GMDS: variants seen among roughly 807,000 people sequenced by gnomAD.
The protein encoded by GMDS is GDP-mannose 4,6 dehydratase.
A neutral mutation model predicts 49.9 loss-of-function variants in GMDS; 20 were observed. The observed-to-expected ratio is 0.40, with a 90% CI of 0.28 to 0.58. The LOEUF (loss-of-function observed/expected upper bound fraction) is 0.58, where lower values mean the gene tolerates loss of function less well. Among genes scored for constraint, GMDS ranks in the 20% least tolerant of loss-of-function variants. The pLI is 0.42. For missense variants in GMDS, 362 were observed against 481.4 expected (o/e 0.75, Z 2.32); for synonymous variants, 177 against 178.6 (o/e 0.99, Z 0.07).
intron 4 of GMDS, among the ~76,000 whole-genome samples, chr6:2,014,113 T>TC (rs11315361): frequency 0.011 from 1,354 of 118,540 alleles, 19 homozygotes; most frequent in East Asian, 0.041. Context: ...AACAAAATTA[T>TC]CCCCCCCCCC....
At chr6:1,943,575 C>T (rs943089738) in intron 6 of GMDS, among the ~76,000 whole-genome samples, 3 of 152,170 alleles carry the variant, frequency 2.0e-5, no homozygotes, top group African/African-American at 7.2e-5. Context: ...ACATGTAGGA[C>T]ATAATGAACC....
chr6:1,638,447 T>C (rs1763230130), intron 9 of GMDS, among the ~76,000 whole-genome samples: 1 of 152,104 alleles, frequency 6.6e-6, no homozygotes, highest in African/African-American at 2.4e-5. Context: ...TCCTGAACTT[T>C]ATACTTATGA....
intron 9 of GMDS, among the ~76,000 whole-genome samples, chr6:1,656,406 G>C (rs919085610): frequency 4.6e-5 from 7 of 152,158 alleles, no homozygotes; most frequent in African/African-American, 1.7e-4. Context: ...CATAAATGGT[G>C]AATCAGTATA....
intron 9 of GMDS, among the ~76,000 whole-genome samples, chr6:1,704,849 G>T (rs550237160): frequency 8.7e-4 from 133 of 152,060 alleles, no homozygotes; most frequent in African/African-American, 3.1e-3. Flanking sequence ...TTTTGGCGGC[G>T]GTGGAGAGGG....
At chr6:1,824,935 A>G (rs1217730604) in intron 7 of GMDS, among the ~76,000 whole-genome samples, 3 of 152,156 alleles carry the variant, frequency 2.0e-5, no homozygotes, top group Non-Finnish European at 2.9e-5. Context: ...GGCATGCACT[A>G]TCATATTTAA....
At chr6:2,097,644 T>C (rs922794345) in intron 4 of GMDS, among the ~76,000 whole-genome samples, 1 of 152,106 alleles carries the variant, frequency 6.6e-6, no homozygotes, top group Admixed American at 6.5e-5. Context: ...AAGCAATCCA[T>C]CCATGTCATA....
At chr6:1,831,763 T>C (rs1756655038) in intron 7 of GMDS, among the ~76,000 whole-genome samples, 1 of 152,172 alleles carries the variant, frequency 6.6e-6, no homozygotes, top group Admixed American at 6.5e-5. Context: ...CAAGCTAGCA[T>C]ATTGAAAAAT....
At chr6:1,735,529 G>A in intron 8 of GMDS, among the ~76,000 whole-genome samples, 1 of 152,226 alleles carries the variant, frequency 6.6e-6, no homozygotes, top group East Asian at 1.9e-4. Flanking sequence ...GTGGCCAGGA[G>A]AAGCAGACGG....
At chr6:1,812,101 G>A (rs184292660) in intron 7 of GMDS, among the ~76,000 whole-genome samples, 14 of 152,152 alleles carry the variant, frequency 9.2e-5, no homozygotes, top group African/African-American at 3.4e-4. Context: ...TAGAAGTACC[G>A]CAGAGAGAGG....
intron 4 of GMDS, among the ~76,000 whole-genome samples, chr6:2,104,382 GAC>G (rs1230141260): frequency 6.6e-6 from 1 of 152,172 alleles, no homozygotes; most frequent in Non-Finnish European, 1.5e-5. Context: ...TTAAGTATGA[GAC>G]ACAGGCAGCT....
At chr6:2,000,751 T>A (rs773862836) in intron 4 of GMDS, among the ~76,000 whole-genome samples, 2 of 152,204 alleles carry the variant, frequency 1.3e-5, no homozygotes, top group African/African-American at 4.8e-5. Flanking sequence ...AGCCTGGAAC[T>A]CATGGGCTCA....
chr6:1,729,905 CG>C (rs772289230), intron 8 of GMDS, among the ~76,000 whole-genome samples: 8 of 152,132 alleles, frequency 5.3e-5, no homozygotes, highest in Non-Finnish European at 1.0e-4. Context: ...CTACTCAACT[CG>C]GCATTCCTTT....
At chr6:1,993,293 C>T (rs1766069869) in intron 4 of GMDS, among the ~76,000 whole-genome samples, 1 of 152,134 alleles carries the variant, frequency 6.6e-6, no homozygotes, top group Admixed American at 6.6e-5. Context: ...AATTCCTGAC[C>T]AATTCATCCT....
intron 7 of GMDS, among the ~76,000 whole-genome samples, chr6:1,858,967 G>A (rs3800102): frequency 3.3e-5 from 5 of 150,492 alleles, no homozygotes; most frequent in African/African-American, 1.2e-4. Context: ...TTGTGTTTTG[G>A]GGGGGGCAGG....
At chr6:2,123,291 C>T (rs1471816868) in intron 2 of GMDS, among the ~76,000 whole-genome samples, 1 of 152,204 alleles carries the variant, frequency 6.6e-6, no homozygotes, top group Non-Finnish European at 1.5e-5. Context: ...ACCCTCACCT[C>T]CAGTCTCAGC....
rs531510971 is a variant in GMDS at position 2,118,868 on chromosome 6, A to G, written c.148-1312T>C. Among the ~76,000 whole-genome samples, 4 of 152,336 alleles carry G rather than the reference A, an allele frequency of 2.6e-5. No homozygotes were observed. In the South Asian group the frequency reaches 8.3e-4, roughly 32 times the overall value. On this transcript the variant is annotated intron_variant, in intron 2 of 10. Transcript: ENST00000380815. ...TCCACTTCTTAATTTAAACGTGGAG[A>G]AAACACTAATTTTAAGCTTATCTGT...
chr6:1,723,420 G>A (rs1261825727), intron 9 of GMDS, among the ~76,000 whole-genome samples: 3 of 150,998 alleles, frequency 2.0e-5, no homozygotes, highest in African/African-American at 7.3e-5. Context: ...TCCGCCTCCC[G>A]GGTTCACGCC....
chr6:2,242,688 T>C (rs919404091), intron 1 of GMDS, among the ~76,000 whole-genome samples: 2 of 152,284 alleles, frequency 1.3e-5, no homozygotes, highest in African/African-American at 4.8e-5. Flanking sequence ...TTACAGCAAC[T>C]GCTGAGATCT....
intron 7 of GMDS, among the ~76,000 whole-genome samples, chr6:1,881,211 C>A (rs921367985): frequency 2.0e-5 from 3 of 152,004 alleles, no homozygotes; most frequent in Admixed American, 6.6e-5. Flanking sequence ...GCCTTTCCTG[C>A]AGAAATGGAA....
Sources: gnomAD v4.1 joint callset for allele counts (sites outside exome capture counted in the v4.1 genomes callset) on GRCh38, gnomAD v4.1.1 for gene constraint, MANE v1.5 for transcripts, NCBI Gene and HGNC (gene_info 2026-07-23, HGNC 2026-07-21) for gene names.